PRKX: variants seen among roughly 807,000 people sequenced by gnomAD.
PRKX encodes protein kinase cAMP-dependent X-linked catalytic subunit.
In PRKX, 12 loss-of-function variants were observed where a neutral mutation model predicts 22.0. That is an observed-to-expected ratio of 0.54 (90% confidence interval 0.35 to 0.88). The LOEUF is 0.88. Ranked by LOEUF, PRKX falls within the 40% of genes least tolerant of loss-of-function variation. PRKX has a pLI of 0.01. For synonymous variants in PRKX, 134 were observed against 137.7 expected, an observed-to-expected ratio of 0.97 and a Z score of 0.19; for missense variants, 217 against 308.0, an observed-to-expected ratio of 0.70 and a Z score of 2.21.
intron 1 of PRKX, among the ~76,000 whole-genome samples, chrX:3,680,821 G>A (rs1234530848): frequency 1.8e-5 from 2 of 111,832 alleles, no homozygotes; most frequent in Non-Finnish European, 3.8e-5. Flanking sequence ...GGGAGGCCAA[G>A]GCAAGAGGAT....
chrX:3,610,249 G>C (rs1926265620), intron 8 of PRKX, among the ~76,000 whole-genome samples: 1 of 111,878 alleles, frequency 8.9e-6, no homozygotes. Context: ...GGGAGGCCGA[G>C]GTGGGCAGAT....
chrX:3,666,973 A>C (rs1026325046), intron 2 of PRKX, among the ~76,000 whole-genome samples: 3 of 110,900 alleles, frequency 2.7e-5, no homozygotes, highest in Non-Finnish European at 5.7e-5. Context: ...ATATGTTAAC[A>C]AAATAAAAAA....
chrX:3,630,047 G>A (rs906195333), intron 4 of PRKX, among the ~76,000 whole-genome samples: 2 of 112,198 alleles, frequency 1.8e-5, no homozygotes, highest in Non-Finnish European at 3.8e-5. Context: ...GTCATACTAT[G>A]CTTTGTTGAC....
chrX:3,689,272 G>T (rs1928247578), intron 1 of PRKX, among the ~76,000 whole-genome samples: 1 of 112,932 alleles, frequency 8.9e-6, no homozygotes, highest in South Asian at 3.6e-4. Flanking sequence ...GGAAATAAGT[G>T]TGTGAAACAC....
intron 3 of PRKX, among the ~76,000 whole-genome samples, chrX:3,643,896 G>A (rs758663578): frequency 5.4e-5 from 6 of 110,214 alleles, no homozygotes; most frequent in East Asian, 2.9e-4. Flanking sequence ...GTGTGGGCAC[G>A]TATCTTGGCT....
intron 5 of PRKX, 116 bp from the exon 6 acceptor site, chrX:3,621,432 T>A: frequency 1.5e-6 from 1 of 661,619 alleles, no homozygotes; most frequent in Middle Eastern, 3.2e-4. Context: ...GCAGTTCAAT[T>A]TCCACTTTGG....
chrX:3,690,717 C>T (rs941225166), intron 1 of PRKX, among the ~76,000 whole-genome samples: 10 of 111,926 alleles, frequency 8.9e-5, no homozygotes, highest in Non-Finnish European at 1.7e-4. Context: ...GGTGACAGAG[C>T]GAGACCCTGT....
chrX:3,713,375 T>C lies in PRKX; in HGVS notation c.-122A>G, dbSNP rs1182992010. 3.5e-6 allele frequency: 2 copies of C among 575,366 alleles called. No individual in the cohort carries two copies. The highest frequency in any genetic ancestry group is 2.4e-5 in the African/African-American group (1 of 40,988). 47.4% of individuals were successfully genotyped at this position (575,366 alleles called of 1,213,427 possible). On this transcript the variant is annotated 5_prime_UTR_variant, in exon 1 of 9. Transcript: ENST00000262848. Reference sequence around the variant, plus strand: ...ATCAACAGAGGCTCCCCATGCGCGCTCTCGCCTCCTGGTGCGCGGTCCGGC... The same window carrying C: ...ATCAACAGAGGCTCCCCATGCGCGCCCTCGCCTCCTGGTGCGCGGTCCGGC...
chrX:3,671,342 G>A (rs1187134364), intron 2 of PRKX, among the ~76,000 whole-genome samples: 6 of 111,212 alleles, frequency 5.4e-5, no homozygotes, highest in African/African-American at 3.3e-5. Context: ...TGATCCTTCC[G>A]CCTTGGCCTC....
rs1926207821 is a variant in PRKX, at chrX:3,607,708, G to A, written c.*1261C>T. Reference sequence around the variant, plus strand: ...TTTTTTTATATAGAGATGGGGTCTCGCTATGCTGCCCAGGTCGGTCTCGAA... The same window carrying A: ...TTTTTTTATATAGAGATGGGGTCTCACTATGCTGCCCAGGTCGGTCTCGAA... On this transcript the variant is annotated 3_prime_UTR_variant, in exon 9 of 9. Transcript: ENST00000262848. 1.8e-5 allele frequency: 2 copies of A among 109,164 alleles called. No individual in the cohort carries two copies. Among genetic ancestry groups the A allele is most frequent in the South Asian group, 4.0e-4 (1 of 2,492 alleles). The allele number at this position is 109,164 out of a possible 1,213,427, so 9.0% of individuals were successfully genotyped here.
At chrX:3,629,421 T>G (rs1345125062) in intron 4 of PRKX, among the ~76,000 whole-genome samples, 1 of 108,415 alleles carries the variant, frequency 9.2e-6, no homozygotes, top group Non-Finnish European at 1.9e-5. Flanking sequence ...TTTGTTTTTT[T>G]TTTTTTTTTA....
chrX:3,707,312 C>T (rs1189112072), intron 1 of PRKX, among the ~76,000 whole-genome samples: 1 of 111,388 alleles, frequency 9.0e-6, no homozygotes, highest in African/African-American at 3.3e-5. Context: ...CCAGCTTGTC[C>T]CTGTCTCTGC....
chrX:3,618,222 G>C (rs1294975752), intron 6 of PRKX, among the ~76,000 whole-genome samples: 1 of 110,587 alleles, frequency 9.0e-6, no homozygotes, highest in Non-Finnish European at 1.9e-5. Context: ...GGAAGTCATT[G>C]GTCAAAAGAG....
intron 5 of PRKX, among the ~76,000 whole-genome samples, chrX:3,623,306 G>A (rs1007567215): frequency 1.8e-5 from 2 of 110,723 alleles, no homozygotes; most frequent in African/African-American, 6.6e-5. Flanking sequence ...TGTAATCCCA[G>A]CTATGCAGTG....
intron 3 of PRKX, among the ~76,000 whole-genome samples, chrX:3,654,457 GTTT>G (rs746800596): frequency 6.9e-5 from 3 of 43,339 alleles, no homozygotes; most frequent in Middle Eastern, 0.013. Context: ...ATTCAATTTG[GTTT>G]TTTTTTTTTT....
At chrX:3,680,788 C>T (rs1928057325) in intron 1 of PRKX, among the ~76,000 whole-genome samples, 1 of 111,975 alleles carries the variant, frequency 8.9e-6, no homozygotes, top group Admixed American at 9.5e-5. Flanking sequence ...CACCGTAGCT[C>T]GCAACTGTAA....
At chrX:3,673,609 G>A (rs986757867) in intron 2 of PRKX, among the ~76,000 whole-genome samples, 10 of 110,927 alleles carry the variant, frequency 9.0e-5, no homozygotes, top group African/African-American at 3.0e-4. Context: ...GTGGACAGGA[G>A]AGGCATGGTA....
At chrX:3,615,401 AACGATGACC>A (rs1280799280) in intron 7 of PRKX, among the ~76,000 whole-genome samples, 4 of 111,525 alleles carry the variant, frequency 3.6e-5, no homozygotes, top group African/African-American at 6.5e-5. Flanking sequence ...ACCATCACTG[AACGATGACC>A]ATGGTGCTAG....
At chrX:3,638,587 C>G (rs775334612) in intron 4 of PRKX, among the ~76,000 whole-genome samples, 1 of 111,380 alleles carries the variant, frequency 9.0e-6, no homozygotes, top group Admixed American at 9.6e-5. Context: ...GGCTAGGGTG[C>G]ATATTGAGAA....
Sources: allele counts gnomAD v4.1 joint callset (sites outside exome capture counted in the v4.1 genomes callset), GRCh38; gene constraint gnomAD v4.1.1; transcripts MANE v1.5; gene names NCBI Gene and HGNC (gene_info 2026-07-23, HGNC 2026-07-21).